DEDD: variants seen among roughly 807,000 people sequenced by gnomAD.
DEDD encodes the protein death effector domain containing, also known as death effector domain-containing protein.
A neutral mutation model predicts 29.2 loss-of-function variants in DEDD; 3 were observed. The observed-to-expected ratio is 0.10, with a 90% confidence interval of 0.05 to 0.27. The LOEUF (loss-of-function observed/expected upper bound fraction) is 0.27, where lower values mean the gene tolerates loss of function less well. Among genes scored for constraint, DEDD ranks in the 10% least tolerant of loss-of-function variants. The pLI, the probability that DEDD is intolerant of heterozygous loss-of-function variation, is 1.00. For missense variants in DEDD, 261 were observed against 420.5 expected, an observed-to-expected ratio of 0.62 and a Z score of 3.32; for synonymous variants, 152 against 161.3, an observed-to-expected ratio of 0.94 and a Z score of 0.44.
intron 2 of DEDD, among the ~76,000 whole-genome samples, chr1:161,129,375 G>C (rs931860185): frequency 6.6e-6 from 1 of 151,950 alleles, no homozygotes; most frequent in African/African-American, 2.4e-5. Context: ...CAGGAGGACT[G>C]CTTGAGCCCA....
chr1:161,125,834 G>C (rs1025738837), intron 2 of DEDD, among the ~76,000 whole-genome samples: 2 of 152,060 alleles, frequency 1.3e-5, no homozygotes, highest in African/African-American at 4.8e-5. Context: ...TTTCCTCATG[G>C]ATGTCATTTA....
intron 1 of DEDD, chr1:161,132,160 GC>G (rs1319830785): frequency 6.6e-6 from 1 of 152,288 alleles, no homozygotes; most frequent in Non-Finnish European, 1.5e-5. Flanking sequence ...ACATGCCACA[GC>G]CCCCTTCCCC....
At chr1:161,124,071 C>T (rs1005740471) in intron 3 of DEDD, 67 bp downstream of exon 3, 15 of 1,579,364 alleles carry the variant, frequency 9.5e-6, no homozygotes, top group Middle Eastern at 1.7e-4. Context: ...CCCCTTTGGA[C>T]GCCTATGCTG....
At chr1:161,123,794 CT>C (rs1273067625) in intron 4 of DEDD, 44 bp downstream of exon 4, 1 of 1,532,380 alleles carries the variant, frequency 6.5e-7, no homozygotes, top group Admixed American at 1.7e-5. Context: ...GATCAGTGTC[CT>C]TTTACTTGAT....
intron 2 of DEDD, among the ~76,000 whole-genome samples, chr1:161,126,429 C>T (rs1041377493): frequency 1.3e-5 from 2 of 151,344 alleles, no homozygotes; most frequent in East Asian, 1.9e-4. Flanking sequence ...CTGCAACCTC[C>T]GCCTCCCAGG....
chr1:161,126,046 C>G (rs1656138442), intron 2 of DEDD, among the ~76,000 whole-genome samples: 1 of 152,210 alleles, frequency 6.6e-6, no homozygotes, highest in Non-Finnish European at 1.5e-5. Flanking sequence ...TGTGCACTCT[C>G]TGGTCACACT....
rs754771875 is a variant in DEDD at position 161,124,132 on chromosome 1, C to T, written c.325+6G>A. The T allele has an allele frequency of 6.2e-7, 1 of 1,608,708 alleles. No individual in the cohort carries two copies. Among genetic ancestry groups the T allele is most frequent in the Non-Finnish European group, 8.5e-7 (1 of 1,176,282 alleles). On this transcript the variant is annotated splice_donor_region_variant and intron_variant, in intron 3 of 5. Transcript: ENST00000368006. Reference sequence around the variant, plus strand: ...TCCCTGATTCCAGCCCCTAATACTTCCTCACCAGCCCGTCTCCTCTTGAGG... The same window carrying T: ...TCCCTGATTCCAGCCCCTAATACTTTCTCACCAGCCCGTCTCCTCTTGAGG...
At position 161,122,119 on chromosome 1, in the gene DEDD, A is replaced by G. The variant is rs1223702739; in HGVS notation, c.*28T>C. On this transcript the variant is annotated 3_prime_UTR_variant, in exon 6 of 6. Coordinates refer to ENST00000368006, the MANE Select transcript of DEDD (RefSeq NM_032998.3). The surrounding 1 kb of genome is among the most constrained non-coding windows in gnomAD (Gnocchi z 4.2). The stretch of plus-strand genomic sequence containing the variant: ...AGCTCCAGAGGTGGGTGATGGGAAC[A>G]GTCCCCAAAGTGAGAAGAGGGAATA... The G allele has an allele frequency of 1.9e-6, 3 of 1,608,676 alleles. No individual in the cohort carries two copies. The African/African-American group carries it at 4.0e-5, about 22-fold the overall frequency.
chr1:161,124,117 C>T (rs1655885471), intron 3 of DEDD, 21 bp downstream of exon 3: 5 of 1,600,896 alleles, frequency 3.1e-6, no homozygotes, highest in Non-Finnish European at 4.3e-6. Context: ...TCCCTGATTC[C>T]AGCCCCTAAT....
intron 1 of DEDD, 33 bp downstream of exon 1, chr1:161,132,518 C>T (rs959017758): frequency 4.5e-5 from 7 of 154,456 alleles, no homozygotes; most frequent in Non-Finnish European, 7.3e-5. Flanking sequence ...CGCTCGACTC[C>T]CTCTCCCCAC....
At chr1:161,129,617 A>G (rs1305315831) in intron 2 of DEDD, among the ~76,000 whole-genome samples, 1 of 152,114 alleles carries the variant, frequency 6.6e-6, no homozygotes, top group East Asian at 1.9e-4. Flanking sequence ...AATTTCCTCT[A>G]AAACCAAAAT....
intron 1 of DEDD, chr1:161,131,089 TG>T (rs1188071282): frequency 6.6e-6 from 1 of 152,216 alleles, no homozygotes; most frequent in Non-Finnish European, 1.5e-5. Flanking sequence ...CCAGTCTCAA[TG>T]GCTTGCGGCA....
chr1:161,132,626 C>G lies in DEDD; in HGVS notation c.-173G>C, dbSNP rs954649534. On this transcript the variant is annotated 5_prime_UTR_variant, in exon 1 of 6. Coordinates refer to ENST00000368006, the MANE Select transcript of DEDD (RefSeq NM_032998.3). ...CCGGGCCTGCCTCACGGCGCCGCATCCGGGCTCCAGCAGCCGCCGCCGCCG... is the reference window on the plus strand; with the variant it reads ...CCGGGCCTGCCTCACGGCGCCGCATGCGGGCTCCAGCAGCCGCCGCCGCCG... 2 of 166,428 alleles carry G rather than the reference C, an allele frequency of 1.2e-5. No individual in the cohort carries two copies. Among genetic ancestry groups the G allele is most frequent in the African/African-American group, 4.8e-5 (2 of 41,572 alleles). The allele number at this position is 166,428 out of a possible 1,614,324, so 10.3% of individuals were successfully genotyped here.
intron 1 of DEDD, chr1:161,132,028 C>CA (rs1181256999): frequency 6.6e-6 from 1 of 152,264 alleles, no homozygotes; most frequent in African/African-American, 2.4e-5. Context: ...CCCCTAGGCC[C>CA]TTCCCCCTCC....
chr1:161,121,980 G>C lies in DEDD; in HGVS notation c.*167C>G. ...GGAAGCCCAGGCACATGGGTGCAGG[G>C]AGGGGTGGGGAATACCACTTCCACT... On this transcript the variant is annotated 3_prime_UTR_variant, in exon 6 of 6. Transcript: ENST00000368006. 1 of 844,568 alleles carries C rather than the reference G, an allele frequency of 1.2e-6. No homozygotes were observed. The highest frequency in any genetic ancestry group is 1.8e-6 in the Non-Finnish European group (1 of 552,796). 52.3% of individuals were successfully genotyped at this position (844,568 alleles called of 1,614,324 possible).
chr1:161,123,888 G>A lies in DEDD; in HGVS notation c.384C>T (p.Pro128=). The A allele has an allele frequency of 1.2e-6, 2 of 1,614,080 alleles. No individual in the cohort carries two copies. Among genetic ancestry groups the A allele is most frequent in the South Asian group, 1.1e-5 (1 of 91,090 alleles). The change falls in exon 4 of 6, where the codon CCC becomes CCT. Residue 128 remains proline (P), a synonymous_variant. Transcript: ENST00000368006. Reference sequence around the variant, plus strand: ...TTGGTTCTGGATCACTGAGGGCTCTGGGGGTCACATAGCGAATTGATGTCT... The same window carrying A: ...TTGGTTCTGGATCACTGAGGGCTCTAGGGGTCACATAGCGAATTGATGTCT... ...LEETSIRYVT[P]RALSDPEPRP... is the part of the protein sequence containing the mutation.
At chr1:161,131,359 C>G (rs1307681258) in intron 1 of DEDD, among the ~76,000 whole-genome samples, 1 of 152,100 alleles carries the variant, frequency 6.6e-6, no homozygotes, top group Non-Finnish European at 1.5e-5. Flanking sequence ...TATGTTTCAC[C>G]AGGGAAAAGT....
rs1269322616 is a variant in DEDD, at chr1:161,124,291, G to A, written c.172C>T (p.Arg58Cys). Residue 58 changes from arginine (R) to cysteine (C), a missense_variant, in exon 3 of 6, where the codon CGT (arginine) becomes TGT (cysteine). Physicochemically the swap from Arg to Cys is radical, Grantham distance 180. Coordinates refer to ENST00000368006, the MANE Select transcript of DEDD (RefSeq NM_032998.3). Reference sequence around the variant, plus strand: ...TCACGTCCATTTCGGATGAGTCCACGCTCGTGGTCATCAATGACATCAACA... The same window carrying A: ...TCACGTCCATTTCGGATGAGTCCACACTCGTGGTCATCAATGACATCAACA... ...LFVDVIDDHERGLIRNGRDFL... is the reference protein window; with the variant it reads ...LFVDVIDDHECGLIRNGRDFL... 5 of 1,614,208 alleles carry A rather than the reference G, an allele frequency of 3.1e-6. No individual in the cohort carries two copies. The highest frequency in any genetic ancestry group is 1.3e-5 in the African/African-American group (1 of 75,046).
Position 161,122,835 on chromosome 1 carries a change from A to G in DEDD, c.580+240T>C. On this transcript the variant is annotated intron_variant, in intron 5 of 5. Coordinates refer to ENST00000368006, the MANE Select transcript of DEDD (RefSeq NM_032998.3). The surrounding 1 kb of genome is among the most constrained non-coding windows in gnomAD (Gnocchi z 4.2). ...TTTAATACTCGACTTGGCTCATCCT[A>G]CAATAAGGATGTCATAACAACATCC... 1.3e-6 allele frequency: 1 copy of G among 771,712 alleles called. No homozygotes were observed. Among genetic ancestry groups the G allele is most frequent in the Non-Finnish European group, 2.1e-6 (1 of 480,288 alleles). 47.8% of individuals were successfully genotyped at this position (771,712 alleles called of 1,614,324 possible). A position where few individuals can be genotyped will look rare whatever the true frequency, so the allele number is the denominator to read the frequency against.
Sources: gnomAD v4.1 joint callset for allele counts (sites outside exome capture counted in the v4.1 genomes callset) on GRCh38, gnomAD v4.1.1 for gene constraint, Gnocchi (gnomAD v3.1) non-coding constraint, MANE v1.5 for transcripts, NCBI Gene and HGNC (gene_info 2026-07-23, HGNC 2026-07-21) for gene names.